SH3D19: variants seen among roughly 807,000 people sequenced by gnomAD.
SH3D19 encodes the protein SH3 domain containing 19.
A neutral mutation model predicts 112.1 loss-of-function variants in SH3D19; 58 were observed. The observed-to-expected ratio is 0.52, with a 90% CI of 0.42 to 0.64. The LOEUF is 0.64. Ranked by LOEUF, SH3D19 falls within the 30% of genes least tolerant of loss-of-function variation. SH3D19 has a pLI of 0.00. For synonymous variants in SH3D19, 391 were observed against 448.5 expected (o/e 0.87, Z 1.62); for missense variants, 1,090 against 1,263.4 (o/e 0.86, Z 2.08).
chr4:151,274,063 T>C (rs1253439245), intron 1 of SH3D19, among the ~76,000 whole-genome samples: 1 of 152,006 alleles, frequency 6.6e-6, no homozygotes, highest in Non-Finnish European at 1.5e-5. Flanking sequence ...AAAACAAAAT[T>C]GGATACACAA....
chr4:151,176,156 G>A (rs1759929985), intron 6 of SH3D19, among the ~76,000 whole-genome samples: 1 of 152,164 alleles, frequency 6.6e-6, no homozygotes, highest in African/African-American at 2.4e-5. Flanking sequence ...AAAGGCATAA[G>A]CCACAGTGCA....
At chr4:151,136,337 A>G (rs940354933) in intron 14 of SH3D19, among the ~76,000 whole-genome samples, 3 of 152,184 alleles carry the variant, frequency 2.0e-5, no homozygotes, top group African/African-American at 2.4e-5. Context: ...TTGTGGGGAC[A>G]GGGTCTCACT....
At chr4:151,249,165 T>C (rs1454890929) in intron 1 of SH3D19, among the ~76,000 whole-genome samples, 1 of 152,210 alleles carries the variant, frequency 6.6e-6, no homozygotes, top group East Asian at 1.9e-4. Flanking sequence ...AACACACATA[T>C]ACTCATACAC....
chr4:151,286,197 A>AC (rs1413607897), intron 1 of SH3D19, among the ~76,000 whole-genome samples: 1 of 149,988 alleles, frequency 6.7e-6, no homozygotes, highest in Non-Finnish European at 1.5e-5. Flanking sequence ...AAAAAAAAAA[A>AC]AAAAAAACAA....
At chr4:151,135,854 A>G (rs1414854372) in intron 14 of SH3D19, among the ~76,000 whole-genome samples, 2 of 152,178 alleles carry the variant, frequency 1.3e-5, no homozygotes, top group Non-Finnish European at 2.9e-5. Context: ...CTCTGACCCC[A>G]AGATAAAACA....
Position 151,270,258 on chromosome 4 carries a change from A to G in SH3D19, c.113-44172T>C, listed in dbSNP as rs994657846. Among the ~76,000 whole-genome samples, 7 of 152,206 alleles carry G rather than the reference A, an allele frequency of 4.6e-5. No homozygotes were observed. In the Middle Eastern group the frequency reaches 0.01, roughly 222 times the overall value. On this transcript the variant is annotated intron_variant, in intron 1 of 19. Coordinates refer to ENST00000604030, the MANE Select transcript of SH3D19 (RefSeq NM_001378122.1). The stretch of plus-strand genomic sequence containing the variant: ...TGGAGGTGGGGCCTGGTGGGAGGTG[A>G]TTGGATCACAGGGGTGAGTTTCTCC...
At chr4:151,124,509 A>G (rs1259295884) in intron 19 of SH3D19, among the ~76,000 whole-genome samples, 1 of 151,984 alleles carries the variant, frequency 6.6e-6, no homozygotes, top group Non-Finnish European at 1.5e-5. Flanking sequence ...TTCTGAGCTC[A>G]GGAGTTCAAG....
chr4:151,209,206 A>G (rs898983660), intron 2 of SH3D19, among the ~76,000 whole-genome samples: 5 of 152,070 alleles, frequency 3.3e-5, no homozygotes, highest in African/African-American at 1.2e-4. Flanking sequence ...CCTGGACCCA[A>G]GTACTTCACA....
At chr4:151,284,966 T>G (rs1301620302) in intron 1 of SH3D19, among the ~76,000 whole-genome samples, 17 of 152,220 alleles carry the variant, frequency 1.1e-4, no homozygotes. Context: ...TATATTTCCC[T>G]GCACTTTCCA....
At chr4:151,200,647 A>G (rs1175334309) in intron 2 of SH3D19, among the ~76,000 whole-genome samples, 1 of 152,224 alleles carries the variant, frequency 6.6e-6, no homozygotes, top group Non-Finnish European at 1.5e-5. Context: ...TAAACTTAAG[A>G]AAGTGACAAA....
At chr4:151,130,866 G>A (rs184409653) in intron 17 of SH3D19, among the ~76,000 whole-genome samples, 48 of 151,930 alleles carry the variant, frequency 3.2e-4, no homozygotes, top group Admixed American at 2.7e-3. Flanking sequence ...ACTTGAAGCC[G>A]GCAGCAGAGG....
At chr4:151,187,501 T>C (rs1761979380) in intron 2 of SH3D19, 38 bp from the exon 3 acceptor site, 1 of 1,194,832 alleles carries the variant, frequency 8.4e-7, no homozygotes, top group African/African-American at 1.6e-5. Context: ...CATTCATTAA[T>C]CCTTTTTGAA....
intron 2 of SH3D19, 65 bp from the exon 3 acceptor site, chr4:151,187,528 G>T: frequency 1.0e-6 from 1 of 970,836 alleles, no homozygotes; most frequent in Non-Finnish European, 1.3e-6. Flanking sequence ...CATTCATAAG[G>T]CCAAGTCATT....
intron 1 of SH3D19, among the ~76,000 whole-genome samples, chr4:151,277,774 C>T (rs1350874339): frequency 6.6e-6 from 1 of 152,340 alleles, no homozygotes; most frequent in East Asian, 1.9e-4. Flanking sequence ...GGCACAGCAG[C>T]TCACGCCTGT....
chr4:151,218,877 T>C (rs1193150147), intron 2 of SH3D19, among the ~76,000 whole-genome samples: 2 of 152,190 alleles, frequency 1.3e-5, no homozygotes, highest in East Asian at 3.8e-4. Flanking sequence ...GATATGCAAA[T>C]GGACATGGCT....
intron 9 of SH3D19, among the ~76,000 whole-genome samples, chr4:151,158,847 T>G (rs948984708): frequency 6.6e-5 from 10 of 152,094 alleles, no homozygotes; most frequent in Non-Finnish European, 1.2e-4. Context: ...GATTTAAAAA[T>G]TCTTATGTTA....
chr4:151,296,044 A>AAAAAGAAAG (rs1383053821), intron 1 of SH3D19, among the ~76,000 whole-genome samples: 88 of 150,950 alleles, frequency 5.8e-4, no homozygotes, highest in African/African-American at 1.6e-3. Context: ...CAAAAAAAAA[A>AAAAAGAAAG]AAAGAAAGAA....
intron 1 of SH3D19, among the ~76,000 whole-genome samples, chr4:151,285,861 T>C (rs1774702303): frequency 6.6e-6 from 1 of 151,944 alleles, no homozygotes; most frequent in South Asian, 2.1e-4. Context: ...AGCAAGACTC[T>C]GTGGCTCTGT....
At chr4:151,184,518 C>G (rs1295438451) in intron 3 of SH3D19, among the ~76,000 whole-genome samples, 1 of 152,138 alleles carries the variant, frequency 6.6e-6, no homozygotes, top group Non-Finnish European at 1.5e-5. Context: ...TAAAAGACAA[C>G]TGAGTTAAAA....
Sources: gnomAD v4.1 joint callset for allele counts (sites outside exome capture counted in the v4.1 genomes callset) on GRCh38, gnomAD v4.1.1 for gene constraint, MANE v1.5 for transcripts, NCBI Gene and HGNC (gene_info 2026-07-23, HGNC 2026-07-21) for gene names.